Variants in GRIK1 observed in about 807,000 individuals in gnomAD.
The protein encoded by GRIK1 is glutamate receptor ionotropic, kainate 1.
GRIK1 carries 69 observed loss-of-function variants against 105.7 expected under a neutral mutation model. The observed-to-expected ratio is 0.65, with a 90% CI of 0.54 to 0.80. The LOEUF (loss-of-function observed/expected upper bound fraction) is 0.80, where lower values mean the gene tolerates loss of function less well. Ranked by LOEUF, GRIK1 falls within the 30% of genes least tolerant of loss-of-function variation. The pLI is 0.00. For synonymous variants in GRIK1, 438 were observed against 431.3 expected (o/e 1.02, Z -0.19); for missense variants, 1,109 against 1,167.3 (o/e 0.95, Z 0.73).
At chr21:29,879,458 G>A (rs1045460807) in intron 1 of GRIK1, among the ~76,000 whole-genome samples, 1 of 152,028 alleles carries the variant, frequency 6.6e-6, no homozygotes, top group Non-Finnish European at 1.5e-5. Context: ...GAGATACATG[G>A]AAGAAACTAC....
chr21:29,555,346 G>C (rs2090225373), intron 15 of GRIK1, 44 bp from the exon 16 acceptor site: 1 of 1,564,586 alleles, frequency 6.4e-7, no homozygotes, highest in African/African-American at 1.4e-5. Context: ...AAATGTTGAA[G>C]AAGACATCCA....
rs541742853 is a variant in GRIK1, at chr21:29,570,725, C to A, written c.2130+6239G>T. On this transcript the variant is annotated intron_variant, in intron 14 of 17. Transcript: ENST00000327783. Reference sequence around the variant, plus strand: ...CTTGGGGTGCCTGAGACCCTTTGACCAAATAGGCTATTGTATTTCCCATAG... The same window carrying A: ...CTTGGGGTGCCTGAGACCCTTTGACAAAATAGGCTATTGTATTTCCCATAG... 1.9e-4 allele frequency among the ~76,000 whole-genome samples: 29 copies of A among 152,140 alleles called. No homozygotes were observed. In the East Asian group the frequency reaches 5.0e-3, roughly 26 times the overall value.
chr21:29,765,791 G>C (rs1235863853), intron 1 of GRIK1, among the ~76,000 whole-genome samples: 2 of 151,916 alleles, frequency 1.3e-5, no homozygotes, highest in Admixed American at 1.3e-4. Context: ...CAATGCTTCT[G>C]CACTTCCCTT....
At chr21:29,583,322 C>T (rs1220747578) in intron 12 of GRIK1, among the ~76,000 whole-genome samples, 1 of 152,094 alleles carries the variant, frequency 6.6e-6, no homozygotes, top group Non-Finnish European at 1.5e-5. Context: ...TATTAATGAA[C>T]CTATTAATGG....
At chr21:29,915,453 T>C (rs1182688388) in intron 1 of GRIK1, among the ~76,000 whole-genome samples, 1 of 152,068 alleles carries the variant, frequency 6.6e-6, no homozygotes, top group Admixed American at 6.6e-5. Flanking sequence ...TATCATGTAA[T>C]AGGCACAACG....
At chr21:29,662,351 T>C (rs536201860) in intron 4 of GRIK1, among the ~76,000 whole-genome samples, 2 of 152,150 alleles carry the variant, frequency 1.3e-5, no homozygotes, top group Non-Finnish European at 2.9e-5. Flanking sequence ...CAGGAGAGAA[T>C]GGAACTTTTG....
chr21:29,937,794 A>T (rs2071818896), intron 1 of GRIK1, among the ~76,000 whole-genome samples: 2 of 65,844 alleles, frequency 3.0e-5, no homozygotes. Flanking sequence ...TATTGTTCAG[A>T]ATATTTTTTT....
At chr21:29,647,990 C>T (rs2832422) in intron 6 of GRIK1, among the ~76,000 whole-genome samples, 66,419 of 151,834 alleles carry the variant, frequency 0.44, 15,643 homozygotes, top group African/African-American at 0.63. Flanking sequence ...GGTGTCAAGA[C>T]TTTTTGGATA....
At chr21:29,809,435 G>A (rs1054637701) in intron 1 of GRIK1, among the ~76,000 whole-genome samples, 15 of 152,162 alleles carry the variant, frequency 9.9e-5, no homozygotes, top group African/African-American at 3.4e-4. Context: ...AATGCTAACT[G>A]TCACCTGAGC....
intron 12 of GRIK1, among the ~76,000 whole-genome samples, chr21:29,583,852 T>A (rs747675913): frequency 6.6e-6 from 1 of 152,148 alleles, no homozygotes; most frequent in Non-Finnish European, 1.5e-5. Context: ...TCCTAACACC[T>A]GCTTAAAGAT....
chr21:29,583,593 T>G (rs2091068676), intron 12 of GRIK1, among the ~76,000 whole-genome samples: 1 of 152,208 alleles, frequency 6.6e-6, no homozygotes, highest in Non-Finnish European at 1.5e-5. Flanking sequence ...TGTTTCATAC[T>G]TTGCACTTAT....
chr21:29,552,506 C>A (rs936891759), intron 16 of GRIK1, among the ~76,000 whole-genome samples: 1 of 151,998 alleles, frequency 6.6e-6, no homozygotes, highest in Non-Finnish European at 1.5e-5. Context: ...TTTTTTCCTT[C>A]TTGCCCGTTT....
At chr21:29,553,754 G>T (rs1435461127) in intron 16 of GRIK1, 1 of 1,259,410 alleles carries the variant, frequency 7.9e-7, no homozygotes, top group Non-Finnish European at 1.1e-6. Context: ...GAATAAATCA[G>T]AAGCAAGAAT....
At chr21:29,585,454 TCTC>T (rs1477032577) in intron 12 of GRIK1, among the ~76,000 whole-genome samples, 1 of 152,144 alleles carries the variant, frequency 6.6e-6, no homozygotes, top group African/African-American at 2.4e-5. Context: ...TGGCGTTTCT[TCTC>T]CTACTGGCTT....
intron 1 of GRIK1, among the ~76,000 whole-genome samples, chr21:29,761,604 CTGTG>C (rs1333363273): frequency 6.6e-6 from 1 of 152,092 alleles, no homozygotes; most frequent in African/African-American, 2.4e-5. Context: ...CAAGGATTCA[CTGTG>C]TGTGAAATTC....
chr21:29,913,519 T>C (rs2070889820), intron 1 of GRIK1, among the ~76,000 whole-genome samples: 1 of 151,918 alleles, frequency 6.6e-6, no homozygotes, highest in Non-Finnish European at 1.5e-5. Context: ...ATATTTAAAG[T>C]AACATACATT....
chr21:29,756,198 G>T (rs896717005), intron 1 of GRIK1, among the ~76,000 whole-genome samples: 1 of 152,076 alleles, frequency 6.6e-6, no homozygotes, highest in South Asian at 2.1e-4. Context: ...TGGCTAACAC[G>T]GTGAAACCCC....
At chr21:29,859,327 G>C (rs566608669) in intron 1 of GRIK1, among the ~76,000 whole-genome samples, 40 of 151,468 alleles carry the variant, frequency 2.6e-4, no homozygotes, top group Non-Finnish European at 5.3e-4. Flanking sequence ...TAACCTGCAC[G>C]TTGTGCACAT....
At chr21:29,739,243 G>A (rs1000046085) in intron 1 of GRIK1, among the ~76,000 whole-genome samples, 2 of 152,146 alleles carry the variant, frequency 1.3e-5, no homozygotes, top group East Asian at 1.9e-4. Context: ...GGTCTCTCTG[G>A]CAAGATGACA....
Sources: gnomAD v4.1 joint callset for allele counts (sites outside exome capture counted in the v4.1 genomes callset) on GRCh38, gnomAD v4.1.1 for gene constraint, MANE v1.5 for transcripts, NCBI Gene and HGNC (gene_info 2026-07-23, HGNC 2026-07-21) for gene names.